The following DCC variants were observed in gnomAD, a reference collection of about 807,000 sequenced individuals.
DCC encodes netrin receptor DCC.
In DCC, 58 loss-of-function variants were observed where a neutral mutation model predicts 172.5. That is an observed-to-expected ratio of 0.34 (90% CI 0.27 to 0.42). DCC has a LOEUF of 0.42. DCC is among the 10% of genes least tolerant of loss of function. The pLI is 1.00. For missense variants in DCC, 1,740 were observed against 1,791.0 expected, an observed-to-expected ratio of 0.97 and a Z score of 0.51; for synonymous variants, 709 against 644.5, an observed-to-expected ratio of 1.10 and a Z score of -1.52.
intron 1 of DCC, among the ~76,000 whole-genome samples, chr18:52,654,922 G>T (rs1378521144): frequency 6.6e-6 from 1 of 152,044 alleles, no homozygotes; most frequent in Non-Finnish European, 1.5e-5. Flanking sequence ...TGCTTTTATT[G>T]TTTATCTACT....
Position 52,354,309 on chromosome 18 carries a change from G to T in DCC, c.91+13431G>T, listed in dbSNP as rs116879110. Among the ~76,000 whole-genome samples the T allele has an allele frequency of 2.6e-5, 4 of 152,150 alleles. No homozygotes were observed. In the South Asian group the frequency reaches 8.3e-4, roughly 32 times the overall value. On this transcript the variant is annotated intron_variant, in intron 1 of 28. Transcript: ENST00000442544. ...CTGAAAGATTTTCAGCAGGGAAATG[G>T]CATTTTAGATAACACACTGTTAGTC... is the stretch of plus-strand genomic sequence containing the variant.
At chr18:52,874,714 G>C (rs2039376149) in intron 2 of DCC, among the ~76,000 whole-genome samples, 1 of 152,084 alleles carries the variant, frequency 6.6e-6, no homozygotes, top group Non-Finnish European at 1.5e-5. Context: ...TTGAGATACA[G>C]CCACAAGAGG....
At chr18:52,500,799 A>G (rs2030989302) in intron 1 of DCC, among the ~76,000 whole-genome samples, 1 of 152,054 alleles carries the variant, frequency 6.6e-6, no homozygotes, top group African/African-American at 2.4e-5. Flanking sequence ...GGATAACAAC[A>G]TTTCTGCATT....
chr18:53,145,249 G>T (rs575569787), intron 7 of DCC, among the ~76,000 whole-genome samples: 1 of 151,736 alleles, frequency 6.6e-6, no homozygotes, highest in Non-Finnish European at 1.5e-5. Flanking sequence ...TAGTAGCTGG[G>T]ACTACAGTCG....
At chr18:52,548,364 C>T (rs1014459807) in intron 1 of DCC, among the ~76,000 whole-genome samples, 1 of 152,022 alleles carries the variant, frequency 6.6e-6, no homozygotes, top group African/African-American at 2.4e-5. Flanking sequence ...GGGTAAACAA[C>T]CATCCTGCTT....
intron 1 of DCC, among the ~76,000 whole-genome samples, chr18:52,633,562 A>G (rs550041229): frequency 1.3e-5 from 2 of 152,300 alleles, no homozygotes; most frequent in South Asian, 4.1e-4. Flanking sequence ...AAGACCCCAC[A>G]ATGCCAAAGA....
intron 2 of DCC, among the ~76,000 whole-genome samples, chr18:52,847,895 G>A (rs962703068): frequency 6.6e-6 from 1 of 152,074 alleles, no homozygotes; most frequent in Non-Finnish European, 1.5e-5. Flanking sequence ...AATATGAGTA[G>A]GATATAGTAA....
chr18:52,440,300 G>A (rs1378490886), intron 1 of DCC, among the ~76,000 whole-genome samples: 2 of 152,310 alleles, frequency 1.3e-5, no homozygotes, highest in East Asian at 3.9e-4. Context: ...ATGCTCACGT[G>A]CTTCAGAATA....
intron 13 of DCC, 45 bp downstream of exon 13, chr18:53,305,764 A>C (rs1364044229): frequency 6.3e-7 from 1 of 1,591,108 alleles, no homozygotes; most frequent in Non-Finnish European, 8.6e-7. Context: ...TGATGAATTA[A>C]ATGCTTTAGG....
intron 19 of DCC, among the ~76,000 whole-genome samples, chr18:53,406,481 G>A (rs952133038): frequency 7.3e-5 from 11 of 151,718 alleles, no homozygotes; most frequent in African/African-American, 2.7e-4. Context: ...AAGGTGGGAG[G>A]ATCACCTGAG....
In DCC at chr18:53,467,973, G is replaced by T; in HGVS notation, c.3699G>T (p.Lys1233Asn). Residue 1233 changes from lysine to asparagine, a missense_variant, in exon 25 of 29, where the codon AAG (lysine) becomes AAT (asparagine). Physicochemically the swap from Lys to Asn is moderately conservative, Grantham distance 94. Around this residue, in one of 2 missense-constraint regions of DCC, gnomAD observed 1,732 missense variants for 1,767.4 expected, o/e 0.98. Transcript: ENST00000442544. Reference protein sequence around the residue: ...SLAARRAPRAKLMIPMDAQSN... With the variant: ...SLAARRAPRANLMIPMDAQSN... The stretch of plus-strand genomic sequence containing the variant: ...CTGCACGCCGAGCCCCCCGGGCCAA[G>T]CTCATGATTCCCATGGATGCCCAGT... The T allele has an allele frequency of 1.2e-6, 2 of 1,610,430 alleles. No individual in the cohort carries two copies. Among genetic ancestry groups the T allele is most frequent in the African/African-American group, 1.3e-5 (1 of 74,974 alleles).
At chr18:53,204,515 C>G (rs2055594356) in intron 9 of DCC, among the ~76,000 whole-genome samples, 1 of 151,154 alleles carries the variant, frequency 6.6e-6, no homozygotes, top group South Asian at 2.1e-4. Flanking sequence ...CCACTGCACT[C>G]CAGCCTGAGA....
intron 15 of DCC, among the ~76,000 whole-genome samples, chr18:53,340,755 T>TTCATA (rs1233405115): frequency 6.6e-6 from 1 of 152,148 alleles, no homozygotes; most frequent in Non-Finnish European, 1.5e-5. Flanking sequence ...AAGCAAAATG[T>TTCATA]AAGTTGATTC....
chr18:52,660,137 A>G (rs189748219), intron 1 of DCC, among the ~76,000 whole-genome samples: 1 of 152,160 alleles, frequency 6.6e-6, no homozygotes, highest in East Asian at 1.9e-4. Context: ...CCACCCCTTT[A>G]TTTGGTGTGT....
chr18:53,174,247 C>G (rs1318457405), intron 8 of DCC, among the ~76,000 whole-genome samples: 1 of 141,532 alleles, frequency 7.1e-6, no homozygotes, highest in Non-Finnish European at 1.5e-5. Flanking sequence ...AAAATTGACA[C>G]CCTAACATCA....
intron 1 of DCC, among the ~76,000 whole-genome samples, chr18:52,724,676 T>C (rs1409534093): frequency 6.6e-6 from 1 of 152,188 alleles, no homozygotes; most frequent in Non-Finnish European, 1.5e-5. Context: ...TTTGTATGCT[T>C]ATTAAAACTT....
At chr18:53,230,666 G>C (rs35580963) in intron 12 of DCC, among the ~76,000 whole-genome samples, 2,648 of 152,138 alleles carry the variant, frequency 0.017, 41 homozygotes, top group East Asian at 0.099. Context: ...AATTAGACCA[G>C]TTAGTAATTT....
At chr18:53,255,840 C>G (rs371228374) in intron 12 of DCC, among the ~76,000 whole-genome samples, 37 of 152,166 alleles carry the variant, frequency 2.4e-4, no homozygotes, top group East Asian at 1.2e-3. Context: ...CAGTGTAAAA[C>G]TGTTCCTATT....
At chr18:53,183,494 CT>C (rs2144492508) in intron 9 of DCC, among the ~76,000 whole-genome samples, 1 of 152,150 alleles carries the variant, frequency 6.6e-6, no homozygotes, top group Admixed American at 6.6e-5. Context: ...ATTTGCAGTC[CT>C]TTAAGATCCT....
Sources: allele counts gnomAD v4.1 joint callset (sites outside exome capture counted in the v4.1 genomes callset), GRCh38; gene constraint gnomAD v4.1.1; regional missense constraint gnomAD v4.1.1; transcripts MANE v1.5; gene names NCBI Gene and HGNC (gene_info 2026-07-23, HGNC 2026-07-21).